The following SBNO1 variants were observed in gnomAD, a reference collection of about 807,000 sequenced individuals.
The protein encoded by SBNO1 is protein strawberry notch homolog 1.
In SBNO1, 23 loss-of-function variants were observed where a neutral mutation model predicts 173.6. The ratio of observed to expected loss-of-function variants is 0.13; its 90% CI spans 0.10 to 0.19. The LOEUF is 0.19. SBNO1 is among the 10% of genes least tolerant of loss of function. The probability of loss-of-function intolerance (pLI) is 1.00; values close to 1 mark genes in which losing one functional copy is unlikely to be tolerated. For synonymous variants in SBNO1, 632 were observed against 571.5 expected (o/e 1.11, Z -1.51); for missense variants, 1,238 against 1,671.2 (o/e 0.74, Z 4.52).
At chr12:123,355,539 G>A (rs1197355047) in intron 1 of SBNO1, among the ~76,000 whole-genome samples, 2 of 151,774 alleles carry the variant, frequency 1.3e-5, no homozygotes, top group Admixed American at 6.6e-5. Flanking sequence ...GGGAGGCGGA[G>A]GTTGCAGTGA....
intron 26 of SBNO1, 60 bp from the exon 27 acceptor site, chr12:123,309,643 T>C: frequency 1.2e-6 from 2 of 1,600,266 alleles, no homozygotes; most frequent in South Asian, 1.1e-5. Context: ...GGTACACACG[T>C]TTAAAGAATT....
chr12:123,326,217 A>C lies in SBNO1; in HGVS notation c.1810T>G (p.Leu604Val). 1 of 1,613,532 alleles carries C rather than the reference A, an allele frequency of 6.2e-7. No individual in the cohort carries two copies. Among genetic ancestry groups the C allele is most frequent in the Non-Finnish European group, 8.5e-7 (1 of 1,179,656 alleles). ...CTTTTAACTTTGGATGCTATGCATA[A>C]GTATTTGAAGAACCTCTGGTGAGCA... ...WSAHQRFFKY[L>V]CIASKVKRVV... The change falls in exon 14 of 32, where the codon TTA (leucine) becomes GTA (valine). Residue 604 changes from leucine (L) to valine (V), a missense_variant. Transcript: ENST00000602398.
At chr12:123,318,853 C>T (rs1869619516) in intron 20 of SBNO1, among the ~76,000 whole-genome samples, 2 of 149,944 alleles carry the variant, frequency 1.3e-5, no homozygotes, top group African/African-American at 4.9e-5. Flanking sequence ...CATGACATAG[C>T]AATAAAATAA....
chr12:123,343,641 C>G (rs1872793014), intron 4 of SBNO1, among the ~76,000 whole-genome samples: 1 of 151,100 alleles, frequency 6.6e-6, no homozygotes, highest in Non-Finnish European at 1.5e-5. Context: ...TGGGTTCAAG[C>G]AATTCCCTGC....
intron 1 of SBNO1, among the ~76,000 whole-genome samples, chr12:123,351,761 G>A (rs1212424477): frequency 2.0e-5 from 3 of 152,194 alleles, no homozygotes; most frequent in East Asian, 1.9e-4. Context: ...ACTGCATGGG[G>A]CAGAGAGAAA....
At chr12:123,343,466 TC>T (rs1566048540) in intron 4 of SBNO1, among the ~76,000 whole-genome samples, 1 of 151,806 alleles carries the variant, frequency 6.6e-6, no homozygotes. Flanking sequence ...TCAATGTTTT[TC>T]CCCTTCAGTA....
chr12:123,355,507 G>C (rs1874354946), intron 1 of SBNO1, among the ~76,000 whole-genome samples: 1 of 152,086 alleles, frequency 6.6e-6, no homozygotes. Flanking sequence ...AGGAGGCTGA[G>C]GCAGGAGAAT....
At chr12:123,339,552 C>T (rs560670509) in intron 5 of SBNO1, among the ~76,000 whole-genome samples, 25 of 152,090 alleles carry the variant, frequency 1.6e-4, no homozygotes, top group African/African-American at 5.1e-4. Context: ...TTTGGGAGGC[C>T]GAGCTGGAGG....
intron 1 of SBNO1, among the ~76,000 whole-genome samples, chr12:123,361,700 C>T (rs1177450209): frequency 2.0e-5 from 3 of 149,020 alleles, no homozygotes; most frequent in African/African-American, 5.0e-5. Flanking sequence ...CCCCACTGCA[C>T]TCCAGCCTGG....
intron 1 of SBNO1, among the ~76,000 whole-genome samples, chr12:123,351,898 G>C (rs1003783284): frequency 6.6e-6 from 1 of 152,154 alleles, no homozygotes. Flanking sequence ...TGAATGGTTA[G>C]AGTCAGGCCA....
chr12:123,327,600 CA>C, intron 12 of SBNO1, 21 bp from the exon 13 acceptor site: 1 of 1,608,004 alleles, frequency 6.2e-7, no homozygotes, highest in Non-Finnish European at 8.5e-7. Context: ...TTAAAACATA[CA>C]GTAATTACCA....
Position 123,323,773 on chromosome 12 carries a change from A to G in SBNO1, c.2032T>C (p.Tyr678His), listed in dbSNP as rs1375902340. 1.9e-6 allele frequency: 3 copies of G among 1,612,984 alleles called. No individual in the cohort carries two copies. Among genetic ancestry groups the G allele is most frequent in the African/African-American group, 1.3e-5 (1 of 74,862 alleles). The change falls in exon 16 of 32, where the codon TAT becomes CAT. Residue 678 changes from tyrosine (Y) to histidine (H), a missense_variant. Around this residue, in one of 14 missense-constraint regions of SBNO1, gnomAD observed 3 missense variants for 17.9 expected, o/e 0.17. Transcript: ENST00000602398. ...GTCAAATCGATTCCTAGTAAACTAT[A>G]AAGTTTTTTCCTGTCTGGAGCAGGA... is the stretch of plus-strand genomic sequence containing the variant. Reference protein sequence around the residue: ...HFPAPDRKKLYSLLGIDLTAP... With the variant: ...HFPAPDRKKLHSLLGIDLTAP...
intron 1 of SBNO1, among the ~76,000 whole-genome samples, chr12:123,354,868 CAAA>C (rs36096880): frequency 2.2e-4 from 33 of 151,910 alleles, no homozygotes; most frequent in Non-Finnish European, 4.1e-4. Flanking sequence ...AAACAATGGA[CAAA>C]AAAAAGAGTT....
chr12:123,353,805 T>C (rs909416853), intron 1 of SBNO1, among the ~76,000 whole-genome samples: 5 of 152,222 alleles, frequency 3.3e-5, no homozygotes, highest in African/African-American at 4.8e-5. Flanking sequence ...CCCAGATTAA[T>C]AGAACTCTGG....
Position 123,302,896 on chromosome 12 carries a change from A to G in SBNO1, c.3773T>C (p.Val1258Ala), listed in dbSNP as rs555593285. Residue 1258 changes from valine to alanine, a missense_variant, in exon 30 of 32, where the codon GTC becomes GCC. Physicochemically the swap from Val to Ala is moderately conservative, Grantham distance 64. This residue lies in a region of SBNO1 where 351 missense variants were observed against 420.3 expected (regional missense o/e 0.84). Transcript: ENST00000602398. ...ADLKKKYKKV[V>A]SDDALMHWLD... is the part of the protein sequence containing the mutation. ...CCAGTGCATCAGGGCATCATCTGAG[A>G]CGACCTGTAAAAATGAGAAGAATTT... 7 of 1,611,132 alleles carry G rather than the reference A, an allele frequency of 4.3e-6. No individual in the cohort carries two copies. In the African/African-American group the frequency reaches 9.3e-5, roughly 21 times the overall value.
intron 5 of SBNO1, among the ~76,000 whole-genome samples, chr12:123,336,889 G>C (rs1871911658): frequency 6.6e-6 from 1 of 152,132 alleles, no homozygotes; most frequent in South Asian, 2.1e-4. Flanking sequence ...TGCAAAACTG[G>C]AGTGAACCCT....
intron 4 of SBNO1, among the ~76,000 whole-genome samples, chr12:123,343,887 A>G (rs1341774536): frequency 6.6e-6 from 1 of 152,078 alleles, no homozygotes; most frequent in African/African-American, 2.4e-5. Flanking sequence ...AGGCTTCCAT[A>G]CATGGATAGT....
intron 30 of SBNO1, among the ~76,000 whole-genome samples, chr12:123,299,680 T>TAAAAAAAAAAAA (rs2048718309): frequency 4.0e-5 from 1 of 24,706 alleles, no homozygotes; most frequent in East Asian, 8.1e-3. Context: ...GACTCTGTCT[T>TAAAAAAAAAAAA]CAAAAAAAAA....
At chr12:123,317,843 C>T (rs571804499) in intron 20 of SBNO1, among the ~76,000 whole-genome samples, 1 of 152,276 alleles carries the variant, frequency 6.6e-6, no homozygotes, top group East Asian at 1.9e-4. Flanking sequence ...TATTTAACAA[C>T]CAAAACTAAT....
Sources: gnomAD v4.1 joint callset for allele counts (sites outside exome capture counted in the v4.1 genomes callset) on GRCh38, gnomAD v4.1.1 for gene constraint, gnomAD v4.1.1 regional missense constraint, MANE v1.5 for transcripts, NCBI Gene and HGNC (gene_info 2026-07-23, HGNC 2026-07-21) for gene names.